SLC26A5: variants seen among roughly 807,000 people sequenced by gnomAD.
The protein encoded by SLC26A5 is prestin.
SLC26A5 carries 51 observed loss-of-function variants against 81.0 expected under a neutral mutation model. That is an observed-to-expected ratio of 0.63 (90% CI 0.50 to 0.80). The LOEUF (loss-of-function observed/expected upper bound fraction) is 0.80. Ranked by LOEUF, SLC26A5 falls within the 30% of genes least tolerant of loss-of-function variation. The pLI is 0.00. For missense variants in SLC26A5, 771 were observed against 905.8 expected, an observed-to-expected ratio of 0.85 and a Z score of 1.91; for synonymous variants, 325 against 332.8, an observed-to-expected ratio of 0.98 and a Z score of 0.25.
At chr7:103,391,163 G>A (rs1224489613) in intron 11 of SLC26A5, among the ~76,000 whole-genome samples, 2 of 152,118 alleles carry the variant, frequency 1.3e-5, no homozygotes, top group South Asian at 2.1e-4. Context: ...GCACTTGGCC[G>A]GCCATTTACA....
chr7:103,407,738 CT>C, intron 8 of SLC26A5, 112 bp downstream of exon 8: 3 of 1,240,982 alleles, frequency 2.4e-6, no homozygotes. Flanking sequence ...TTGTAACCTT[CT>C]TTTGGCAGAA....
chr7:103,419,084 T>G (rs2116707441), intron 4 of SLC26A5, among the ~76,000 whole-genome samples: 1 of 152,276 alleles, frequency 6.6e-6, no homozygotes, highest in Non-Finnish European at 1.5e-5. Flanking sequence ...ACACAAGCTC[T>G]CTCTTGCCTG....
At chr7:103,433,033 T>C (rs1361557316) in intron 2 of SLC26A5, among the ~76,000 whole-genome samples, 1 of 152,234 alleles carries the variant, frequency 6.6e-6, no homozygotes, top group Non-Finnish European at 1.5e-5. Context: ...ACTCAAGGCC[T>C]ACAAGACTTC....
chr7:103,355,849 T>C, intron 19 of SLC26A5: 1 of 1,254,596 alleles, frequency 8.0e-7, no homozygotes, highest in Non-Finnish European at 1.2e-6. Context: ...AAGCACTTAA[T>C]GTTAGAGTCT....
chr7:103,392,328 G>C (rs1350337812), intron 10 of SLC26A5, among the ~76,000 whole-genome samples: 1 of 152,194 alleles, frequency 6.6e-6, no homozygotes, highest in Admixed American at 6.5e-5. Flanking sequence ...CGTTATAAAA[G>C]TAGGTGACAA....
chr7:103,394,832 A>G (rs1363805976), intron 9 of SLC26A5, among the ~76,000 whole-genome samples: 1 of 152,220 alleles, frequency 6.6e-6, no homozygotes, highest in Non-Finnish European at 1.5e-5. Context: ...TTCGAGCAAC[A>G]GAATGTGGTG....
intron 19 of SLC26A5, among the ~76,000 whole-genome samples, chr7:103,362,918 C>T (rs576936484): frequency 7.9e-5 from 12 of 151,802 alleles, no homozygotes; most frequent in South Asian, 2.1e-4. Flanking sequence ...CTCAGCCTCC[C>T]GAGTAGCTGG....
Position 103,442,431 on chromosome 7 carries a change from C to G in SLC26A5, c.-54+652G>C, listed in dbSNP as rs138407130. On this transcript the variant is annotated intron_variant, in intron 2 of 19. Transcript: ENST00000306312. ...GGGATTACAGGTGTGAGCCACTGAG[C>G]CTGGCCCACACTTTCACTATTGAAA... Among the ~76,000 whole-genome samples the G allele has an allele frequency of 2.5e-3, 381 of 152,258 alleles. 2 individuals are homozygous for G. Among genetic ancestry groups the G allele is most frequent in the African/African-American group, 9.0e-3 (373 of 41,536 alleles).
chr7:103,406,190 C>G (rs935230048), intron 8 of SLC26A5, among the ~76,000 whole-genome samples: 1 of 152,154 alleles, frequency 6.6e-6, no homozygotes, highest in Non-Finnish European at 1.5e-5. Flanking sequence ...GAGTGAATGG[C>G]TCTGTCTCAC....
At chr7:103,405,713 G>T (rs1485936344) in intron 8 of SLC26A5, among the ~76,000 whole-genome samples, 1 of 152,194 alleles carries the variant, frequency 6.6e-6, no homozygotes, top group African/African-American at 2.4e-5. Context: ...GCTGTGCTAG[G>T]AGATCTGGTG....
chr7:103,398,357 ATG>A (rs1169719213), intron 8 of SLC26A5, among the ~76,000 whole-genome samples: 1 of 152,200 alleles, frequency 6.6e-6, no homozygotes, highest in Non-Finnish European at 1.5e-5. Flanking sequence ...TCTGGCCACA[ATG>A]TTATGAATAA....
chr7:103,391,688 C>G lies in SLC26A5; in HGVS notation c.1167G>C (p.Gln389His). The G allele has an allele frequency of 6.2e-7, 1 of 1,614,150 alleles. No individual in the cohort carries two copies. The highest frequency in any genetic ancestry group is 8.5e-7 in the Non-Finnish European group (1 of 1,180,034). ...ACAAGGAGCATGAAATTGAAAAGGTCTGGAAGAGTGAGCCAATGGAATTGC... is the reference window on the plus strand; with the variant it reads ...ACAAGGAGCATGAAATTGAAAAGGTGTGGAAGAGTGAGCCAATGGAATTGC... ...GLCNSIGSLF[Q>H]TFSISCSLSR... The change falls in exon 11 of 20, where the codon CAG (glutamine) becomes CAC (histidine). Residue 389 changes from glutamine (Q) to histidine (H), a missense_variant. By Grantham distance (24) the Gln-to-His change is conservative. Coordinates refer to ENST00000306312, the MANE Select transcript of SLC26A5 (RefSeq NM_198999.3).
chr7:103,390,251 G>T (rs1224198328), intron 12 of SLC26A5, among the ~76,000 whole-genome samples, 178 bp downstream of exon 12: 1 of 152,128 alleles, frequency 6.6e-6, no homozygotes, highest in Non-Finnish European at 1.5e-5. Context: ...CCCAGGTCCT[G>T]CAGGCAGCTG....
downstream of SLC26A5, among the ~76,000 whole-genome samples, chr7:103,371,940 C>T (rs994550937): frequency 7.9e-5 from 12 of 152,014 alleles, no homozygotes; most frequent in South Asian, 1.0e-3. Context: ...TGTGATCTGC[C>T]CGCCTTGGCC....
At chr7:103,370,198 A>AGGG (rs1227728643), downstream of SLC26A5, among the ~76,000 whole-genome samples, 2 of 152,212 alleles carry the variant, frequency 1.3e-5, no homozygotes, top group Non-Finnish European at 2.9e-5. Flanking sequence ...CACTCCTGAA[A>AGGG]GGTAAGGTGC....
At chr7:103,374,672 TA>T in intron 19 of SLC26A5, 80 bp from the exon 20 acceptor site, 1 of 1,226,620 alleles carries the variant, frequency 8.2e-7, no homozygotes, top group Admixed American at 2.4e-5. Flanking sequence ...CACTTCCATA[TA>T]GTGTTTTTTT....
At chr7:103,387,951 G>A (rs770424265) in intron 14 of SLC26A5, among the ~76,000 whole-genome samples, 2 of 152,074 alleles carry the variant, frequency 1.3e-5, no homozygotes, top group Non-Finnish European at 2.9e-5. Flanking sequence ...CAAAGTGCTG[G>A]GATTCCAGAC....
chr7:103,445,953 G>A (rs958259818), intron 1 of SLC26A5, 145 bp downstream of exon 1: 1 of 152,368 alleles, frequency 6.6e-6, no homozygotes, highest in African/African-American at 2.4e-5. Context: ...GTTCGTTTAG[G>A]GAAAAAGCGC....
chr7:103,445,584 G>A (rs1156630329), intron 1 of SLC26A5: 1 of 152,262 alleles, frequency 6.6e-6, no homozygotes, highest in Non-Finnish European at 1.5e-5. Context: ...GCGCTGAGCG[G>A]AGGGCCCAGT....
Sources: gnomAD v4.1 joint callset for allele counts (sites outside exome capture counted in the v4.1 genomes callset) on GRCh38, gnomAD v4.1.1 for gene constraint, MANE v1.5 for transcripts, NCBI Gene and HGNC (gene_info 2026-07-23, HGNC 2026-07-21) for gene names.